Variants in GLI2 observed in about 807,000 individuals in gnomAD.
GLI2 encodes the protein GLI family zinc finger 2.
A neutral mutation model predicts 78.9 loss-of-function variants in GLI2; 22 were observed. The observed-to-expected ratio is 0.28, with a 90% CI of 0.20 to 0.40. The LOEUF is 0.40. Ranked by LOEUF, GLI2 falls within the 10% of genes least tolerant of loss-of-function variation. GLI2 has a pLI of 1.00. For synonymous variants in GLI2, 974 were observed against 963.7 expected, an observed-to-expected ratio of 1.01 and a Z score of -0.20; for missense variants, 2,097 against 2,213.2, an observed-to-expected ratio of 0.95 and a Z score of 1.05.
intron 4 of GLI2, 80 bp from the exon 5 acceptor site, chr2:120,955,153 CTTTTTTTTTTTT>C (rs869202442): frequency 4.8e-5 from 7 of 147,086 alleles, no homozygotes; most frequent in African/African-American, 5.5e-5. Context: ...TTCTCTCTGC[CTTTTTTTTTTTT>C]TTTTTTTTTT....
chr2:120,958,334 C>G (rs1482394060), intron 5 of GLI2, among the ~76,000 whole-genome samples: 1 of 152,152 alleles, frequency 6.6e-6, no homozygotes, highest in Non-Finnish European at 1.5e-5. Context: ...CTCACTCTTG[C>G]AGGATTCTGT....
intron 2 of GLI2, among the ~76,000 whole-genome samples, chr2:120,851,212 G>T (rs1474269407): frequency 1.3e-5 from 2 of 152,170 alleles, no homozygotes; most frequent in Non-Finnish European, 2.9e-5. Flanking sequence ...GAACTCATTG[G>T]GGGTGGACTC....
At chr2:120,748,592 T>C (rs1005310914) in intron 1 of GLI2, among the ~76,000 whole-genome samples, 13 of 152,304 alleles carry the variant, frequency 8.5e-5, no homozygotes, top group South Asian at 6.2e-4. Context: ...CTCCTCTGCC[T>C]ATCCATGGTT....
chr2:120,956,826 G>A (rs576658912), intron 5 of GLI2, among the ~76,000 whole-genome samples: 1 of 152,224 alleles, frequency 6.6e-6, no homozygotes, highest in East Asian at 1.9e-4. Flanking sequence ...ACCAGGCGGG[G>A]CCATGAGACT....
At position 120,742,001 on chromosome 2, in the gene GLI2, C is replaced by T. The variant is rs530571142; in HGVS notation, c.-31+5716C>T. ...GGGCGCCCCGGGTCTTCCTCGACCC[C>T]GTTTCCCATTGGCCTGCCCTCTTGC... is the stretch of plus-strand genomic sequence containing the variant. On this transcript the variant is annotated intron_variant, in intron 1 of 13. Transcript: ENST00000361492. Among the ~76,000 whole-genome samples the T allele has an allele frequency of 5.2e-4, 79 of 152,360 alleles. 1 individual carries two copies. Among genetic ancestry groups the T allele is most frequent in the Admixed American group, 9.1e-4 (14 of 15,308 alleles).
chr2:120,901,947 T>G (rs747764908), intron 2 of GLI2, among the ~76,000 whole-genome samples: 8 of 152,236 alleles, frequency 5.3e-5, no homozygotes, highest in Non-Finnish European at 1.2e-4. Context: ...CGTATTAATT[T>G]GCAGGAAATT....
intron 2 of GLI2, among the ~76,000 whole-genome samples, chr2:120,814,637 G>T (rs1214859761): frequency 6.6e-6 from 1 of 152,202 alleles, no homozygotes; most frequent in Non-Finnish European, 1.5e-5. Context: ...CCTTCTGTCA[G>T]ATCAGCAGCG....
At chr2:120,938,954 A>G (rs1038912485) in intron 3 of GLI2, among the ~76,000 whole-genome samples, 1 of 152,202 alleles carries the variant, frequency 6.6e-6, no homozygotes, top group East Asian at 1.9e-4. Context: ...TAAAAAAAAA[A>G]TTGGTCTTAT....
intron 2 of GLI2, among the ~76,000 whole-genome samples, chr2:120,841,904 G>A (rs561088899): frequency 7.8e-6 from 1 of 128,532 alleles, no homozygotes; most frequent in African/African-American, 2.9e-5. Flanking sequence ...TGGGCTCTGG[G>A]AAAGATAAAT....
chr2:120,771,837 T>C (rs1018353581), intron 1 of GLI2, among the ~76,000 whole-genome samples: 2 of 152,166 alleles, frequency 1.3e-5, no homozygotes, highest in African/African-American at 2.4e-5. Context: ...AGCAACCAAG[T>C]AGGTGGTGTG....
intron 1 of GLI2, among the ~76,000 whole-genome samples, chr2:120,785,647 C>T (rs1683977112): frequency 6.6e-6 from 1 of 152,234 alleles, no homozygotes; most frequent in African/African-American, 2.4e-5. Flanking sequence ...CCCAGCACCA[C>T]CCATGGAGAG....
chr2:120,880,255 TCTC>T (rs1677054626), intron 2 of GLI2, among the ~76,000 whole-genome samples: 1 of 152,244 alleles, frequency 6.6e-6, no homozygotes, highest in Admixed American at 6.5e-5. Context: ...TGCTTTGTTT[TCTC>T]TCTGTTTTAC....
At chr2:120,851,514 G>GTGTGCCTGGGGTCA in intron 2 of GLI2, among the ~76,000 whole-genome samples, 1 of 152,252 alleles carries the variant, frequency 6.6e-6, no homozygotes, top group Non-Finnish European at 1.5e-5. Context: ...CAAGGCTGCT[G>GTGTGCCTGGGGTCA]TGTGCCTGGG....
At chr2:120,801,282 G>T (rs1684697117) in intron 2 of GLI2, among the ~76,000 whole-genome samples, 1 of 152,128 alleles carries the variant, frequency 6.6e-6, no homozygotes, top group Admixed American at 6.5e-5. Context: ...GGGATTACAG[G>T]TGCCCACCAC....
intron 5 of GLI2, among the ~76,000 whole-genome samples, chr2:120,966,760 C>T (rs1046685148): frequency 2.6e-5 from 4 of 152,228 alleles, no homozygotes; most frequent in African/African-American, 9.6e-5. Flanking sequence ...TCTGCCCTCA[C>T]ACAGCCTTCT....
At chr2:120,740,452 A>G (rs1411895263) in intron 1 of GLI2, among the ~76,000 whole-genome samples, 1 of 147,950 alleles carries the variant, frequency 6.8e-6, no homozygotes, top group Non-Finnish European at 1.5e-5. Context: ...AAAAAAAAAC[A>G]GGTTGCTGGG....
At chr2:120,959,759 C>T (rs1297042070) in intron 5 of GLI2, among the ~76,000 whole-genome samples, 1 of 152,212 alleles carries the variant, frequency 6.6e-6, no homozygotes, top group African/African-American at 2.4e-5. Context: ...GTGCCAGTCC[C>T]TCCCGGAAAG....
Position 120,825,420 on chromosome 2 carries a change from C to T in GLI2, c.148+27952C>T, listed in dbSNP as rs146319746. ...CTGTGAGTGTGTGCTGGACTGTGTG[C>T]GCCTAGCTGTGAGTGCACCTGGCTA... On this transcript the variant is annotated intron_variant, in intron 2 of 13. Coordinates refer to ENST00000361492, the MANE Select transcript of GLI2 (RefSeq NM_001374353.1). 8.8e-4 allele frequency among the ~76,000 whole-genome samples: 133 copies of T among 150,546 alleles called. No individual in the cohort carries two copies. In the South Asian group the frequency reaches 0.016, roughly 19 times the overall value.
chr2:120,766,712 A>T (rs888449163), intron 1 of GLI2, among the ~76,000 whole-genome samples: 9 of 152,226 alleles, frequency 5.9e-5, no homozygotes, highest in African/African-American at 2.2e-4. Flanking sequence ...TAGGGACATA[A>T]TGGTGAATCC....
Sources: allele counts gnomAD v4.1 joint callset (sites outside exome capture counted in the v4.1 genomes callset), GRCh38; gene constraint gnomAD v4.1.1; transcripts MANE v1.5; gene names NCBI Gene and HGNC (gene_info 2026-07-23, HGNC 2026-07-21).